The following ALOX15 variants were observed in gnomAD, a reference collection of about 807,000 sequenced individuals.
The protein encoded by ALOX15 is arachidonate 15-lipoxygenase.
A neutral mutation model predicts 71.7 loss-of-function variants in ALOX15; 68 were observed. That is an observed-to-expected ratio of 0.95 (90% confidence interval 0.78 to 1.16). The LOEUF (loss-of-function observed/expected upper bound fraction) is 1.16. ALOX15 is among the 50% of genes most tolerant of loss of function. The pLI is 0.00. For missense variants in ALOX15, 798 were observed against 818.8 expected, an observed-to-expected ratio of 0.97 and a Z score of 0.31; for synonymous variants, 346 against 333.3, an observed-to-expected ratio of 1.04 and a Z score of -0.42.
chr17:4,632,396 ACT>A (rs1910944750), intron 11 of ALOX15, 115 bp from the exon 12 acceptor site: 2 of 846,438 alleles, frequency 2.4e-6, no homozygotes, highest in Non-Finnish European at 3.8e-6. Context: ...TGCTCAGTTA[ACT>A]CTTACAGGAA....
rs751244579 is a variant in ALOX15, at chr17:4,639,011, G to A, written c.420-39C>T. The A allele has an allele frequency of 2.5e-6, 4 of 1,614,218 alleles. No individual in the cohort carries two copies. The South Asian group carries it at 4.4e-5, about 18-fold the overall frequency. ...AGGAAATCAAGTATGGGTGCTGGAAGCATCAGCAGCTCACGTGGGGTCAGG... is the reference window on the plus strand; with the variant it reads ...AGGAAATCAAGTATGGGTGCTGGAAACATCAGCAGCTCACGTGGGGTCAGG... On this transcript the variant is annotated intron_variant, in intron 3 of 13. Coordinates refer to ENST00000293761, the MANE Select transcript of ALOX15 (RefSeq NM_001140.5).
At chr17:4,639,246 C>CA in intron 2 of ALOX15, 114 bp from the exon 3 acceptor site, 1 of 1,432,738 alleles carries the variant, frequency 7.0e-7, no homozygotes, top group Non-Finnish European at 9.7e-7. Context: ...CCTTCAGCAT[C>CA]ACGCCCCTCC....
intron 1 of ALOX15, among the ~76,000 whole-genome samples, chr17:4,641,193 A>C (rs1283731897): frequency 1.3e-5 from 2 of 151,534 alleles, no homozygotes; most frequent in Non-Finnish European, 2.9e-5. Flanking sequence ...GGTTTTTAAA[A>C]TAGAGAAAGC....
rs1911283041 is a variant in ALOX15, at chr17:4,640,536, TA to T, written c.136-906del. Among the ~76,000 whole-genome samples, 2 of 144,178 alleles carry T rather than the reference TA, an allele frequency of 1.4e-5. 1 individual carries two copies. The highest frequency in any genetic ancestry group is 5.6e-5 in the African/African-American group (2 of 35,776). The allele number at this position is 144,178 out of a possible 152,430, so 94.6% of individuals were successfully genotyped here. A position where few individuals can be genotyped will look rare whatever the true frequency, so the allele number is the denominator to read the frequency against. ...ACTGTGTGTCACCAACTGCCCACCA[TA>T]GGGAGGAAAAAAGGGAGGAGGGAGC... On this transcript the variant is annotated intron_variant, in intron 1 of 13. Coordinates refer to ENST00000293761, the MANE Select transcript of ALOX15 (RefSeq NM_001140.5).
chr17:4,633,038 A>G, intron 10 of ALOX15, 56 bp from the exon 11 acceptor site: 4 of 1,613,378 alleles, frequency 2.5e-6, no homozygotes, highest in Non-Finnish European at 3.4e-6. Context: ...CCCTGCTCAC[A>G]TGGCCAGGTC....
At chr17:4,635,641 G>T in intron 8 of ALOX15, 118 bp downstream of exon 8, 1 of 956,234 alleles carries the variant, frequency 1.0e-6, no homozygotes, top group Non-Finnish European at 1.6e-6. Flanking sequence ...CTCTCACATT[G>T]TCCATTCATT....
chr17:4,639,547 C>A lies in ALOX15; in HGVS notation c.220G>T (p.Asp74Tyr). Residue 74 changes from aspartate (D) to tyrosine (Y), a missense_variant, in exon 2 of 14, where the codon GAC becomes TAC. By Grantham distance (160) the Asp-to-Tyr change is radical (BLOSUM62 -3). Around this residue, in one of 3 missense-constraint regions of ALOX15, gnomAD observed 300 missense variants for 283.1 expected, o/e 1.06. Coordinates refer to ENST00000293761, the MANE Select transcript of ALOX15 (RefSeq NM_001140.5). Reference sequence around the variant, plus strand: ...GAGATCCAGTTGCAGAACCAGGCGTCGTCCTTAAGGAGGTGCCGTTTGCGC... The same window carrying A: ...GAGATCCAGTTGCAGAACCAGGCGTAGTCCTTAAGGAGGTGCCGTTTGCGC... ...KLRKRHLLKD[D>Y]AWFCNWISVQ... is the part of the protein sequence containing the mutation. The A allele has an allele frequency of 6.2e-7, 1 of 1,613,922 alleles. No individual in the cohort carries two copies. The highest frequency in any genetic ancestry group is 8.5e-7 in the Non-Finnish European group (1 of 1,179,982).
chr17:4,637,128 G>A lies in ALOX15; in HGVS notation c.938C>T (p.Pro313Leu). ...LKLQPDGKLL[P>L]MVIQLQLPRT... The stretch of plus-strand genomic sequence containing the variant: ...GAGTCCTCTCACCTGGATGACCATG[G>A]GCAAGAGTTTCCCATCAGGCTGCAA... The change falls in exon 7 of 14, where the codon CCC (proline) becomes CTC (leucine). Residue 313 changes from proline (P) to leucine (L), a missense_variant. Pro to Leu is a moderately conservative substitution (Grantham distance 98, BLOSUM62 -3). Transcript: ENST00000293761. 1 of 1,612,748 alleles carries A rather than the reference G, an allele frequency of 6.2e-7. No individual in the cohort carries two copies. The highest frequency in any genetic ancestry group is 8.5e-7 in the Non-Finnish European group (1 of 1,179,324).
At chr17:4,637,011 G>C in intron 7 of ALOX15, 104 bp downstream of exon 7, 1 of 1,380,718 alleles carries the variant, frequency 7.2e-7, no homozygotes, top group Non-Finnish European at 9.9e-7. Flanking sequence ...TCTCCCAGGT[G>C]CCTTAGCCCA....
At position 4,631,972 on chromosome 17, in the gene ALOX15, C is replaced by T. The variant is rs768026830; in HGVS notation, c.1726G>A (p.Val576Met). The change falls in exon 13 of 14, where the codon GTG becomes ATG. Residue 576 changes from valine to methionine, a missense_variant. Coordinates refer to ENST00000293761, the MANE Select transcript of ALOX15 (RefSeq NM_001140.5). ...PTTKDATLETVMATLPNFHQA... is the reference protein window; with the variant it reads ...PTTKDATLETMMATLPNFHQA... ...TGGAAGTTGGGCAGTGTCGCCATCA[C>T]TGTCTCCAGCGTTGCATCCTTGGTG... 12 of 1,614,030 alleles carry T rather than the reference C, an allele frequency of 7.4e-6. No homozygotes were observed. The Admixed American group carries it at 1.8e-4, about 25-fold the overall frequency.
chr17:4,635,732 G>A, intron 8 of ALOX15, 27 bp downstream of exon 8: 2 of 1,611,632 alleles, frequency 1.2e-6, no homozygotes, highest in East Asian at 2.2e-5. Context: ...ATAGTGGCAG[G>A]CAAGAGAGAA....
Position 4,637,276 on chromosome 17 carries a change from T to G in ALOX15, c.808-18A>C, listed in dbSNP as rs755055798. On this transcript the variant is annotated intron_variant, in intron 6 of 13. Coordinates refer to ENST00000293761, the MANE Select transcript of ALOX15 (RefSeq NM_001140.5). ...GTGCCTCCCTGGGTGGGGGAAGAGG[T>G]CAAGGGCTGCTATCAACATAAAGCA... is the stretch of plus-strand genomic sequence containing the variant. The G allele has an allele frequency of 5.6e-6, 9 of 1,598,834 alleles. No homozygotes were observed. The highest frequency in any genetic ancestry group is 2.7e-5 in the African/African-American group (2 of 74,506).
chr17:4,637,329 G>A (rs554772972), intron 6 of ALOX15, 71 bp from the exon 7 acceptor site: 3 of 1,513,944 alleles, frequency 2.0e-6, no homozygotes, highest in Admixed American at 4.0e-5. Flanking sequence ...TTCCTCCAAG[G>A]GGGAAGAGAG....
chr17:4,636,137 C>T (rs1274246961), intron 7 of ALOX15, among the ~76,000 whole-genome samples, 169 bp from the exon 8 acceptor site: 1 of 152,192 alleles, frequency 6.6e-6, no homozygotes, highest in Non-Finnish European at 1.5e-5. Context: ...CCCTTCCTGC[C>T]CGCTCAGTGC....
chr17:4,634,753 C>A (rs1434588181), intron 8 of ALOX15, among the ~76,000 whole-genome samples: 1 of 151,604 alleles, frequency 6.6e-6, no homozygotes, highest in Non-Finnish European at 1.5e-5. Flanking sequence ...CCGAGGTGGG[C>A]GGATCACCTG....
Position 4,641,613 on chromosome 17 carries a change from C to G in ALOX15, c.39G>C (p.Ser13=), listed in dbSNP as rs1173592153. Residue 13 remains serine, a synonymous_variant, in exon 1 of 14, where the codon TCG becomes TCC. Transcript: ENST00000293761. ...LYRIRVSTGA[S]LYAGSNNQVQ... is the part of the protein sequence containing the mutation. Reference sequence around the variant, plus strand: ...CCTGGTTGTTGGAACCGGCATAGAGCGAGGCCCCAGTGGACACGCGGATGC... The same window carrying G: ...CCTGGTTGTTGGAACCGGCATAGAGGGAGGCCCCAGTGGACACGCGGATGC... 1 of 1,613,862 alleles carries G rather than the reference C, an allele frequency of 6.2e-7. No individual in the cohort carries two copies. Among genetic ancestry groups the G allele is most frequent in the Non-Finnish European group, 8.5e-7 (1 of 1,180,038 alleles).
At chr17:4,637,336 A>G in intron 6 of ALOX15, 78 bp from the exon 7 acceptor site, 1 of 1,493,368 alleles carries the variant, frequency 6.7e-7, no homozygotes, top group South Asian at 1.4e-5. Flanking sequence ...AAGGGGGAAG[A>G]GAGTGGAGCT....
chr17:4,637,906 A>G (rs1209254378), intron 6 of ALOX15, among the ~76,000 whole-genome samples: 1 of 151,956 alleles, frequency 6.6e-6, no homozygotes, highest in African/African-American at 2.4e-5. Context: ...GAACAGCCAC[A>G]GCACTCTGAT....
At chr17:4,635,004 A>G (rs752020072) in intron 8 of ALOX15, among the ~76,000 whole-genome samples, 12 of 151,444 alleles carry the variant, frequency 7.9e-5, no homozygotes, top group Non-Finnish European at 1.3e-4. Flanking sequence ...CACATTTTCC[A>G]ACCATCTTCA....
Sources: allele counts gnomAD v4.1 joint callset (sites outside exome capture counted in the v4.1 genomes callset), GRCh38; gene constraint gnomAD v4.1.1; regional missense constraint gnomAD v4.1.1; transcripts MANE v1.5; gene names NCBI Gene and HGNC (gene_info 2026-07-23, HGNC 2026-07-21).